The following CATSPERD variants were observed in gnomAD, a reference collection of about 807,000 sequenced individuals.
The protein encoded by CATSPERD is cation channel sperm-associated auxiliary subunit delta.
In CATSPERD, 86 loss-of-function variants were observed where a neutral mutation model predicts 98.1. The observed-to-expected ratio is 0.88, with a 90% CI of 0.74 to 1.05. The LOEUF is 1.05. Among genes scored for constraint, CATSPERD ranks in the 50% least tolerant of loss-of-function variants. CATSPERD has a pLI of 0.00. For missense variants in CATSPERD, 995 were observed against 1,005.7 expected (o/e 0.99, Z 0.14); for synonymous variants, 394 against 390.2 (o/e 1.01, Z -0.12).
chr19:5,725,761 T>C (rs1039531519), intron 2 of CATSPERD, among the ~76,000 whole-genome samples: 12 of 151,742 alleles, frequency 7.9e-5, no homozygotes, highest in African/African-American at 2.9e-4. Context: ...ATTAGCCAGG[T>C]ACGGTGGCGC....
At chr19:5,760,356 G>A (rs956841237) in intron 15 of CATSPERD, among the ~76,000 whole-genome samples, 8 of 150,108 alleles carry the variant, frequency 5.3e-5, no homozygotes, top group African/African-American at 9.8e-5. Flanking sequence ...CCGAGATTGC[G>A]CCACTGAACT....
chr19:5,758,579 A>C (rs925317052), intron 14 of CATSPERD, among the ~76,000 whole-genome samples: 14 of 149,738 alleles, frequency 9.3e-5, no homozygotes, highest in African/African-American at 3.4e-4. Context: ...AATACAAAAA[A>C]AAAAAAAAAA....
Position 5,771,086 on chromosome 19 carries a change from G to T in CATSPERD, c.1763+14G>T, listed in dbSNP as rs1200495103. 5.0e-6 allele frequency: 8 copies of T among 1,610,616 alleles called. No homozygotes were observed. Among genetic ancestry groups the T allele is most frequent in the African/African-American group, 1.3e-5 (1 of 74,792 alleles). ...CGTGGTGGAGCTGTAAGACCCCAGG[G>T]GGGTGCTGCAGGGTGGGGACGGTGG... is the stretch of plus-strand genomic sequence containing the variant. On this transcript the variant is annotated intron_variant, in intron 19 of 21. Transcript: ENST00000381624.
intron 9 of CATSPERD, among the ~76,000 whole-genome samples, chr19:5,747,509 C>T (rs1355589113): frequency 2.6e-5 from 4 of 151,950 alleles, no homozygotes; most frequent in Admixed American, 1.3e-4. Context: ...AGAAGACATT[C>T]CATTGTGTTC....
chr19:5,776,225 A>T lies in CATSPERD; in HGVS notation c.2006A>T (p.Gln669Leu), dbSNP rs1164154603. Reference protein sequence around the residue: ...APLRWPDVQYQILGGRTANQI... With the variant: ...APLRWPDVQYLILGGRTANQI... ...TTGAGGTGGCCAGACGTCCAGTATC[A>T]GATCTTGGGCGGCCGGACAGCAAAC... is the stretch of plus-strand genomic sequence containing the variant. Residue 669 changes from glutamine (Q) to leucine (L), a missense_variant, in exon 21 of 22, where the codon CAG becomes CTG. Gln to Leu is a moderately radical substitution (Grantham distance 113, BLOSUM62 -2). Transcript: ENST00000381624. 6.2e-7 allele frequency: 1 copy of T among 1,614,168 alleles called. No individual in the cohort carries two copies. Among genetic ancestry groups the T allele is most frequent in the Non-Finnish European group, 8.5e-7 (1 of 1,180,020 alleles).
chr19:5,727,486 G>A (rs998658069), intron 3 of CATSPERD, 142 bp downstream of exon 3: 4 of 644,554 alleles, frequency 6.2e-6, no homozygotes, highest in Admixed American at 5.4e-5. Flanking sequence ...CCATAGTCAG[G>A]GGCTGGAATT....
At chr19:5,735,525 T>C (rs1370242019) in intron 5 of CATSPERD, among the ~76,000 whole-genome samples, 1 of 144,302 alleles carries the variant, frequency 6.9e-6, no homozygotes, top group Non-Finnish European at 1.5e-5. Context: ...TAGGATGGAG[T>C]GCAGTGGCAC....
chr19:5,757,723 G>A (rs2056352366), intron 13 of CATSPERD, 120 bp from the exon 14 acceptor site: 5 of 626,846 alleles, frequency 8.0e-6, no homozygotes, highest in Non-Finnish European at 1.3e-5. Flanking sequence ...TTACAGATAT[G>A]AGCCACTACA....
chr19:5,762,081 T>TTTTTTTA (rs2056451833), intron 15 of CATSPERD, among the ~76,000 whole-genome samples: 3 of 113,736 alleles, frequency 2.6e-5, no homozygotes, highest in South Asian at 3.0e-4. Flanking sequence ...TTTTTTTTTT[T>TTTTTTTA]GAGACACAGT....
intron 4 of CATSPERD, among the ~76,000 whole-genome samples, chr19:5,732,889 C>CTGG (rs1174190738): frequency 4.6e-5 from 7 of 151,982 alleles, no homozygotes; most frequent in Admixed American, 2.0e-4. Context: ...TGTTGGCCAG[C>CTGG]TGGTATTGAA....
intron 11 of CATSPERD, among the ~76,000 whole-genome samples, chr19:5,750,495 A>C (rs1321658670): frequency 1.3e-5 from 2 of 149,074 alleles, no homozygotes; most frequent in Non-Finnish European, 3.0e-5. Context: ...GGCCAGGCAC[A>C]GTGGCTCCTT....
rs145790220 is a variant in CATSPERD at position 5,768,320 on chromosome 19, T to TTTTATTTATTTATTTATTTATTTA, written c.1634+81_1634+104dup. On this transcript the variant is annotated intron_variant, in intron 18 of 21. Transcript: ENST00000381624. ...GCAAAAGCCAAGAGCAAATTAGGAA[T>TTTTATTTATTTATTTATTTATTTA]TTTATTTATTTATTTATTTATTTAT... 72 of 496,406 alleles carry TTTTATTTATTTATTTATTTATTTA rather than the reference T, an allele frequency of 1.5e-4. No homozygotes were observed. In the African/African-American group the frequency reaches 1.5e-3, roughly 10 times the overall value. 30.8% of individuals were successfully genotyped at this position (496,406 alleles called of 1,614,324 possible).
At position 5,766,107 on chromosome 19, in the gene CATSPERD, C is replaced by A. The variant is rs1599584253; in HGVS notation, c.1511C>A (p.Thr504Lys). Residue 504 changes from threonine (T) to lysine (K), a missense_variant, in exon 17 of 22, where the codon ACA becomes AAA. By Grantham distance (78) the Thr-to-Lys change is moderately conservative (BLOSUM62 -1). Around this residue, in one of 3 missense-constraint regions of CATSPERD, gnomAD observed 762 missense variants for 773.7 expected, o/e 0.98. Coordinates refer to ENST00000381624, the MANE Select transcript of CATSPERD (RefSeq NM_152784.4). ...ISCVDIKPLS[T>K]LISVGCDLDK... is the part of the protein sequence containing the mutation. ...TTCTGTCTCTCTCCTCTGCAGTCGA[C>A]ACTGATTTCAGTTGGCTGCGACCTG... 6.2e-7 allele frequency: 1 copy of A among 1,612,926 alleles called. No individual in the cohort carries two copies. Among genetic ancestry groups the A allele is most frequent in the East Asian group, 2.2e-5 (1 of 44,802 alleles).
intron 12 of CATSPERD, among the ~76,000 whole-genome samples, chr19:5,752,347 G>A (rs2056237218): frequency 6.6e-6 from 1 of 151,924 alleles, no homozygotes; most frequent in Admixed American, 6.6e-5. Flanking sequence ...GGGCATGGTG[G>A]TGTGTACTCT....
At chr19:5,775,290 G>A (rs1568377831) in intron 20 of CATSPERD, 1 of 471,434 alleles carries the variant, frequency 2.1e-6, no homozygotes, top group East Asian at 7.0e-5. Flanking sequence ...CCCGCTTCTA[G>A]TGAGTAAAGG....
Position 5,741,794 on chromosome 19 carries a change from GGGGGT to G in CATSPERD, c.573+2358_573+2362del, listed in dbSNP as rs1345477741. On this transcript the variant is annotated intron_variant, in intron 7 of 21. Coordinates refer to ENST00000381624, the MANE Select transcript of CATSPERD (RefSeq NM_152784.4). ...TTTGGGATGCTGAAGGCGGGGGGGGGGGGGTGGTGTGGATCACTTGAGGTCAGGAG... is the reference window on the plus strand; with the variant it reads ...TTTGGGATGCTGAAGGCGGGGGGGGGGGTGTGGATCACTTGAGGTCAGGAG... Among the ~76,000 whole-genome samples the G allele has an allele frequency of 2.4e-3, 229 of 93,612 alleles. 59 individuals carry two copies. Among genetic ancestry groups the G allele is most frequent in the Middle Eastern group, 4.8e-3 (1 of 210 alleles). The allele number at this position is 93,612 out of a possible 152,430, so 61.4% of individuals were successfully genotyped here.
At chr19:5,732,572 A>T (rs2055748417) in intron 4 of CATSPERD, among the ~76,000 whole-genome samples, 1 of 151,806 alleles carries the variant, frequency 6.6e-6, no homozygotes, top group African/African-American at 2.4e-5. Context: ...AGCTGGGACT[A>T]CAGGCGCCCG....
chr19:5,762,058 A>ATATATATATATATATAT, intron 15 of CATSPERD, among the ~76,000 whole-genome samples: 2 of 10,436 alleles, frequency 1.9e-4, no homozygotes, highest in Non-Finnish European at 3.6e-4. Flanking sequence ...ATATATATAT[A>ATATATATATATATATAT]TTTTTTTTTT....
intron 13 of CATSPERD, among the ~76,000 whole-genome samples, chr19:5,755,377 C>T (rs1389091075): frequency 6.6e-6 from 1 of 152,072 alleles, no homozygotes; most frequent in East Asian, 1.9e-4. Context: ...ATATTATACT[C>T]AAAATATTGA....
Sources: gnomAD v4.1 joint callset for allele counts (sites outside exome capture counted in the v4.1 genomes callset) on GRCh38, gnomAD v4.1.1 for gene constraint, gnomAD v4.1.1 regional missense constraint, MANE v1.5 for transcripts, NCBI Gene and HGNC (gene_info 2026-07-23, HGNC 2026-07-21) for gene names.